Variants in NCAPD3 observed in about 807,000 individuals in gnomAD.
NCAPD3 encodes condensin-2 complex subunit D3.
NCAPD3 carries 105 observed loss-of-function variants against 182.9 expected under a neutral mutation model. That is an observed-to-expected ratio of 0.57 (90% confidence interval 0.49 to 0.68). NCAPD3 has a LOEUF of 0.68. Among genes scored for constraint, NCAPD3 ranks in the 30% least tolerant of loss-of-function variants. NCAPD3 has a pLI of 0.00. For missense variants in NCAPD3, 1,944 were observed against 1,837.0 expected (o/e 1.06, Z -1.07); for synonymous variants, 815 against 679.9 (o/e 1.20, Z -3.09).
intron 7 of NCAPD3, among the ~76,000 whole-genome samples, chr11:134,207,981 T>C (rs1236228663): frequency 6.6e-6 from 1 of 152,220 alleles, no homozygotes; most frequent in East Asian, 1.9e-4. Flanking sequence ...CCTGCTCAAC[T>C]TCATTTAATC....
At position 134,153,409 on chromosome 11, in the gene NCAPD3, C is replaced by T. The variant is rs574287801; in HGVS notation, c.4253-46G>A. 15 of 1,589,412 alleles carry T rather than the reference C, an allele frequency of 9.4e-6. 1 individual carries two copies. Among genetic ancestry groups the T allele is most frequent in the Middle Eastern group, 1.7e-4 (1 of 6,034 alleles). On this transcript the variant is annotated intron_variant, in intron 32 of 34. Transcript: ENST00000534548. ...ACTGAGTGAAAGCCGCGTGGTCTAT[C>T]GGAGGTCTCTGTTCTAGTTGTCCGT...
chr11:134,190,036 C>CTATT (rs1422532848), intron 16 of NCAPD3, among the ~76,000 whole-genome samples: 1 of 152,178 alleles, frequency 6.6e-6, no homozygotes, highest in Admixed American at 6.5e-5. Context: ...GATTACTGAC[C>CTATT]TATTGGATTA....
chr11:134,206,554 TG>T, intron 8 of NCAPD3, 44 bp downstream of exon 8: 2 of 1,608,960 alleles, frequency 1.2e-6, no homozygotes, highest in Middle Eastern at 1.7e-4. Flanking sequence ...CCCAGAGTAC[TG>T]AGGGAGACTG....
At position 134,210,228 on chromosome 11, in the gene NCAPD3, C is replaced by T. The variant is rs370113886; in HGVS notation, c.567+42G>A. The T allele has an allele frequency of 5.0e-4, 761 of 1,519,558 alleles. 7 individuals are homozygous for T. In the South Asian group the frequency reaches 6.0e-3, roughly 12 times the overall value. The allele number at this position is 1,519,558 out of a possible 1,614,324, so 94.1% of individuals were successfully genotyped here. ...AAGTCAATCCTTAAATAAAGCAAAT[C>T]GTGTGTTGGTATATATGTTTTATAC... On this transcript the variant is annotated intron_variant, in intron 4 of 34. Transcript: ENST00000534548.
chr11:134,209,948 C>T (rs546436271), intron 4 of NCAPD3, among the ~76,000 whole-genome samples: 2 of 152,084 alleles, frequency 1.3e-5, no homozygotes, highest in South Asian at 2.1e-4. Flanking sequence ...CCCAGCTACT[C>T]GGAAGGCTGC....
Position 134,176,268 on chromosome 11 carries a change from G to A in NCAPD3, c.3101+39C>T, listed in dbSNP as rs779614323. The A allele has an allele frequency of 1.9e-6, 3 of 1,558,606 alleles. No homozygotes were observed. In the South Asian group the frequency reaches 3.3e-5, roughly 17 times the overall value. ...AAATCCAGCATACATCAGAAATGAG[G>A]TAAACTGTTGAGTCGTCTGACGTGA... On this transcript the variant is annotated intron_variant, in intron 24 of 34. Transcript: ENST00000534548.
intron 19 of NCAPD3, among the ~76,000 whole-genome samples, chr11:134,182,072 C>G (rs1451603473): frequency 2.0e-5 from 3 of 152,172 alleles, no homozygotes; most frequent in Admixed American, 6.5e-5. Context: ...TAATAGATTG[C>G]ACAACCTGGA....
In NCAPD3 at chr11:134,192,717, G is replaced by C. The variant is rs1169167353; in HGVS notation, c.2017C>G (p.Leu673Val). 1 of 1,614,186 alleles carries C rather than the reference G, an allele frequency of 6.2e-7. No individual in the cohort carries two copies. Among genetic ancestry groups the C allele is most frequent in the Admixed American group, 1.7e-5 (1 of 60,028 alleles). Reference sequence around the variant, plus strand: ...AGTTCCTGGCTTTCGGTGGTGAGGAGAGTAAGAAGCGCCCAGGCGAGGACC... The same window carrying C: ...AGTTCCTGGCTTTCGGTGGTGAGGACAGTAAGAAGCGCCCAGGCGAGGACC... The part of the protein sequence containing the change: ...SQVLAWALLT[L>V]LTTESQELSR... Residue 673 changes from leucine (L) to valine (V), a missense_variant, in exon 16 of 35, where the codon CTC (leucine) becomes GTC (valine). Leu to Val is a conservative substitution (Grantham distance 32). Around this residue, in one of 3 missense-constraint regions of NCAPD3, gnomAD observed 1,803 missense variants for 1,674.6 expected, o/e 1.08. Coordinates refer to ENST00000534548, the MANE Select transcript of NCAPD3 (RefSeq NM_015261.3).
intron 27 of NCAPD3, among the ~76,000 whole-genome samples, chr11:134,164,391 C>T (rs1943694688): frequency 6.6e-6 from 1 of 152,252 alleles, no homozygotes. Flanking sequence ...TGAGCTCAGG[C>T]TCATGAGAAA....
In NCAPD3 at chr11:134,150,391, T is replaced by C. The variant is rs1943181602; in HGVS notation, c.*2553A>G. 6.6e-6 allele frequency: 1 copy of C among 152,414 alleles called. No homozygotes were observed. Among genetic ancestry groups the C allele is most frequent in the Middle Eastern group, 3.4e-3 (1 of 296 alleles). The allele number at this position is 152,414 out of a possible 1,614,324, so 9.4% of individuals were successfully genotyped here. On this transcript the variant is annotated 3_prime_UTR_variant, in exon 35 of 35. Transcript: ENST00000534548. ...CACAGATGCCAGTCAGCTCCTGGGG[T>C]TGCGCCAGGCGCCCCCGCTCTAGCT...
intron 31 of NCAPD3, 49 bp from the exon 32 acceptor site, chr11:134,157,144 G>A (rs750837517): frequency 2.7e-6 from 4 of 1,454,704 alleles, no homozygotes; most frequent in East Asian, 2.3e-5. Flanking sequence ...AAACAATAAC[G>A]AAGAGCAAAA....
intron 24 of NCAPD3, among the ~76,000 whole-genome samples, chr11:134,171,387 T>A (rs1272618053): frequency 6.6e-6 from 1 of 152,200 alleles, no homozygotes; most frequent in Non-Finnish European, 1.5e-5. Context: ...GTAAGAGCCA[T>A]GTGTCCACTT....
intron 7 of NCAPD3, among the ~76,000 whole-genome samples, chr11:134,207,613 C>T (rs1005716244): frequency 1.3e-5 from 2 of 151,700 alleles, no homozygotes; most frequent in South Asian, 4.2e-4. Context: ...CATGGTGGCG[C>T]GCACCTGTAG....
At chr11:134,183,269 T>A (rs1255958342) in intron 19 of NCAPD3, 2 of 419,110 alleles carry the variant, frequency 4.8e-6, no homozygotes, top group Non-Finnish European at 9.5e-6. Flanking sequence ...GTCTGTAACG[T>A]TAATTCCTCC....
intron 32 of NCAPD3, chr11:134,156,805 T>A (rs1198139463): frequency 6.7e-6 from 3 of 449,762 alleles, no homozygotes; most frequent in Non-Finnish European, 1.2e-5. Flanking sequence ...TTTGACTGAC[T>A]GAATGTAACG....
At chr11:134,200,045 T>C (rs934521800) in intron 13 of NCAPD3, among the ~76,000 whole-genome samples, 75 of 152,234 alleles carry the variant, frequency 4.9e-4, no homozygotes, top group African/African-American at 1.8e-3. Flanking sequence ...GATAGTCACA[T>C]GCAAAGGAGT....
At chr11:134,183,649 C>T (rs1016161015) in intron 19 of NCAPD3, among the ~76,000 whole-genome samples, 3 of 152,118 alleles carry the variant, frequency 2.0e-5, no homozygotes, top group African/African-American at 7.2e-5. Flanking sequence ...GCAAGTATCC[C>T]TTTCATCAAT....
rs369201673 is a variant in NCAPD3, at chr11:134,158,044, G to C, written c.4058C>G (p.Ala1353Gly). 6.2e-7 allele frequency: 1 copy of C among 1,614,140 alleles called. No individual in the cohort carries two copies. The highest frequency in any genetic ancestry group is 1.3e-5 in the African/African-American group (1 of 75,060). ...KARPMSLSTI[A>G]ILNSVKKAVE... ...GGCTTTCTTGACAGAATTCAGGATT[G>C]CAATGGTGCTCAGGGACATGGGCCT... Residue 1353 changes from alanine to glycine, a missense_variant, in exon 31 of 35, where the codon GCA (alanine) becomes GGA (glycine). Around this residue, in one of 3 missense-constraint regions of NCAPD3, gnomAD observed 1,803 missense variants for 1,674.6 expected, o/e 1.08. Transcript: ENST00000534548.
intron 24 of NCAPD3, 45 bp downstream of exon 24, chr11:134,176,262 A>C: frequency 6.5e-7 from 1 of 1,537,552 alleles, no homozygotes; most frequent in Non-Finnish European, 9.0e-7. Flanking sequence ...ATACATCAGA[A>C]ATGAGGTAAA....
Sources: allele counts gnomAD v4.1 joint callset (sites outside exome capture counted in the v4.1 genomes callset), GRCh38; gene constraint gnomAD v4.1.1; regional missense constraint gnomAD v4.1.1; transcripts MANE v1.5; gene names NCBI Gene and HGNC (gene_info 2026-07-23, HGNC 2026-07-21).